The following SLC8A3 variants were observed in gnomAD, a reference collection of about 807,000 sequenced individuals.
The protein encoded by SLC8A3 is sodium/calcium exchanger 3.
In SLC8A3, 37 loss-of-function variants were observed where a neutral mutation model predicts 65.4. The observed-to-expected ratio is 0.57, with a 90% CI of 0.44 to 0.74. SLC8A3 has a LOEUF of 0.74. SLC8A3 is among the 30% of genes least tolerant of loss of function. The pLI is 0.00. For missense variants in SLC8A3, 1,112 were observed against 1,172.1 expected (o/e 0.95, Z 0.75); for synonymous variants, 461 against 444.5 (o/e 1.04, Z -0.47).
chr14:70,062,808 G>A lies in SLC8A3; in HGVS notation c.1785-1869C>T, dbSNP rs77997897. 8.6e-3 allele frequency among the ~76,000 whole-genome samples: 1,312 copies of A among 152,286 alleles called. 16 individuals carry two copies. The highest frequency in any genetic ancestry group is 0.031 in the African/African-American group (1,281 of 41,554). ...GTTGGCCCTAGATATGGGACCCCAG[G>A]GCTGTCTACAAGGTGTGAGCCTGTT... On this transcript the variant is annotated intron_variant, in intron 2 of 6. Transcript: ENST00000356921.
intron 1 of SLC8A3, chr14:70,187,332 GGA>G (rs144672026): frequency 0.07 from 10,791 of 154,090 alleles, 442 homozygotes; most frequent in Non-Finnish European, 0.081. Flanking sequence ...GGGGGCGGGG[GGA>G]GAGAGAGAGA....
chr14:70,111,143 G>A (rs912049373), intron 2 of SLC8A3, among the ~76,000 whole-genome samples: 3 of 152,172 alleles, frequency 2.0e-5, no homozygotes, highest in African/African-American at 7.2e-5. Context: ...GTGTATGAAA[G>A]CTCCGTTTTC....
intron 2 of SLC8A3, chr14:70,064,032 A>G: frequency 1.5e-6 from 1 of 679,088 alleles, no homozygotes; most frequent in Non-Finnish European, 2.6e-6. Flanking sequence ...AAGATTCAGA[A>G]AGATCCAAGT....
At chr14:70,055,717 T>G (rs1182248182) in intron 3 of SLC8A3, 5 of 1,222,140 alleles carry the variant, frequency 4.1e-6, no homozygotes, top group Admixed American at 2.4e-5. Flanking sequence ...ATTCAATAAA[T>G]CAAAGGACAT....
At chr14:70,126,603 CACTT>C (rs1894474776) in intron 2 of SLC8A3, among the ~76,000 whole-genome samples, 3 of 141,872 alleles carry the variant, frequency 2.1e-5, no homozygotes, top group Admixed American at 1.4e-4. Context: ...CACACACACA[CACTT>C]AGAACAAATT....
chr14:70,127,614 C>T (rs867712313), intron 2 of SLC8A3, among the ~76,000 whole-genome samples: 12 of 152,166 alleles, frequency 7.9e-5, no homozygotes, highest in African/African-American at 2.9e-4. Flanking sequence ...AGTCCTGCCT[C>T]GGGATGTCCC....
At chr14:70,184,281 T>C (rs1280206247) in intron 1 of SLC8A3, among the ~76,000 whole-genome samples, 1 of 152,192 alleles carries the variant, frequency 6.6e-6, no homozygotes, top group Non-Finnish European at 1.5e-5. Flanking sequence ...CTATCTAAAA[T>C]GCAAGTCTGA....
chr14:70,162,075 C>T (rs762747483), intron 2 of SLC8A3, among the ~76,000 whole-genome samples: 1 of 152,096 alleles, frequency 6.6e-6, no homozygotes, highest in Non-Finnish European at 1.5e-5. Flanking sequence ...CAAGGTGAAA[C>T]AAGAGATTAA....
chr14:70,089,101 G>A (rs1891643687), intron 2 of SLC8A3, among the ~76,000 whole-genome samples: 1 of 152,120 alleles, frequency 6.6e-6, no homozygotes, highest in Non-Finnish European at 1.5e-5. Flanking sequence ...AATTTTGAAT[G>A]GTAACTCCTC....
intron 5 of SLC8A3, among the ~76,000 whole-genome samples, chr14:70,049,777 G>A (rs1887263733): frequency 1.3e-5 from 2 of 152,184 alleles, no homozygotes; most frequent in South Asian, 4.1e-4. Context: ...AACCATTGTG[G>A]TTCTGGTCAT....
At chr14:70,093,242 C>T (rs1232152572) in intron 2 of SLC8A3, among the ~76,000 whole-genome samples, 3 of 152,210 alleles carry the variant, frequency 2.0e-5, no homozygotes, top group Admixed American at 1.3e-4. Flanking sequence ...GATTAGCTCT[C>T]CTAGGGTATA....
At chr14:70,171,200 T>G (rs1267062797) in intron 1 of SLC8A3, among the ~76,000 whole-genome samples, 1 of 152,146 alleles carries the variant, frequency 6.6e-6, no homozygotes, top group East Asian at 1.9e-4. Context: ...GTGGCTGCTA[T>G]GAGAGCCAAC....
rs925039297 is a variant in SLC8A3, at chr14:70,188,836, G to C, written c.-520C>G. 5 of 152,184 alleles carry C rather than the reference G, an allele frequency of 3.3e-5. No individual in the cohort carries two copies. Among genetic ancestry groups the C allele is most frequent in the African/African-American group, 9.6e-5 (4 of 41,560 alleles). 9.4% of individuals were successfully genotyped at this position (152,184 alleles called of 1,614,324 possible). A position where few individuals can be genotyped will look rare whatever the true frequency, so the allele number is the denominator to read the frequency against. The stretch of plus-strand genomic sequence containing the variant: ...CTCCGAGGGACCTGGGCTCGGGCTT[G>C]CGGTCGCGTCGCCTGGGCTTTCCCT... On this transcript the variant is annotated 5_prime_UTR_variant, in exon 1 of 7. Transcript: ENST00000356921.
At chr14:70,054,949 T>A (rs1410391035) in intron 3 of SLC8A3, among the ~76,000 whole-genome samples, 1 of 152,254 alleles carries the variant, frequency 6.6e-6, no homozygotes, top group East Asian at 1.9e-4. Context: ...TTTTAAAATA[T>A]ATTGAAACTG....
At chr14:70,118,035 A>G (rs560027290) in intron 2 of SLC8A3, among the ~76,000 whole-genome samples, 2 of 152,312 alleles carry the variant, frequency 1.3e-5, no homozygotes, top group South Asian at 4.2e-4. Context: ...TCCTATTTAC[A>G]GGGATCTGTG....
At chr14:70,123,431 CT>C (rs1031191977) in intron 2 of SLC8A3, among the ~76,000 whole-genome samples, 8 of 148,120 alleles carry the variant, frequency 5.4e-5, no homozygotes, top group African/African-American at 1.7e-4. Context: ...TGTGAGGTGG[CT>C]TTTTTTATTT....
rs895818322 is a variant in SLC8A3 at position 70,187,792 on chromosome 14, T to C, written c.-63+587A>G. 5.3e-5 allele frequency among the ~76,000 whole-genome samples: 8 copies of C among 152,094 alleles called. No individual in the cohort carries two copies. In the East Asian group the frequency reaches 1.5e-3, roughly 29 times the overall value. ...TCCCTCGCCCCCTTGGCCCCAGCGGTGGGTGCTCTGGGGCTGCAGCTCCCG... is the reference window on the plus strand; with the variant it reads ...TCCCTCGCCCCCTTGGCCCCAGCGGCGGGTGCTCTGGGGCTGCAGCTCCCG... On this transcript the variant is annotated intron_variant, in intron 1 of 6. Transcript: ENST00000356921.
At chr14:70,080,533 G>A (rs1475542414) in intron 2 of SLC8A3, among the ~76,000 whole-genome samples, 1 of 152,206 alleles carries the variant, frequency 6.6e-6, no homozygotes, top group Non-Finnish European at 1.5e-5. Context: ...CCTTCCTTAA[G>A]TGGCTTCTCT....
At chr14:70,111,067 T>A (rs1893270744) in intron 2 of SLC8A3, among the ~76,000 whole-genome samples, 1 of 152,228 alleles carries the variant, frequency 6.6e-6, no homozygotes, top group African/African-American at 2.4e-5. Context: ...GCTCAATTTT[T>A]AGTTTTTTGA....
Sources: gnomAD v4.1 joint callset for allele counts (sites outside exome capture counted in the v4.1 genomes callset) on GRCh38, gnomAD v4.1.1 for gene constraint, MANE v1.5 for transcripts, NCBI Gene and HGNC (gene_info 2026-07-23, HGNC 2026-07-21) for gene names.